The following ZFAND5 variants were observed in gnomAD, a reference collection of about 807,000 sequenced individuals.
The protein encoded by ZFAND5 is zinc finger AN1-type containing 5.
A neutral mutation model predicts 23.6 loss-of-function variants in ZFAND5; 4 were observed. That is an observed-to-expected ratio of 0.17 (90% CI 0.08 to 0.39). The LOEUF is 0.39. ZFAND5 is among the 10% of genes least tolerant of loss of function. The pLI is 1.00. For synonymous variants in ZFAND5, 68 were observed against 80.6 expected (o/e 0.84, Z 0.84); for missense variants, 161 against 253.7 (o/e 0.63, Z 2.48).
rs1461355558 is a variant in ZFAND5 at position 72,357,160 on chromosome 9, G to GT, written c.368-105dup. The GT allele has an allele frequency of 4.4e-6, 6 of 1,348,786 alleles. No individual in the cohort carries two copies. In the East Asian group the frequency reaches 1.5e-4, roughly 33 times the overall value. 83.6% of individuals were successfully genotyped at this position (1,348,786 alleles called of 1,614,324 possible). On this transcript the variant is annotated intron_variant, in intron 5 of 6. Transcript: ENST00000376962. Reference sequence around the variant, plus strand: ...AAACAGGAAGATGCCTGATAAAAATGTTTATAAGTATTCCTTGAAAATACA... The same window carrying GT: ...AAACAGGAAGATGCCTGATAAAAATGTTTTATAAGTATTCCTTGAAAATACA...
rs957963898 is a variant in ZFAND5 at position 72,355,288 on chromosome 9, A to C, written c.*665T>G. 1.2e-4 allele frequency: 18 copies of C among 152,684 alleles called. No individual in the cohort carries two copies. Among genetic ancestry groups the C allele is most frequent in the African/African-American group, 4.3e-4 (18 of 41,464 alleles). 9.5% of individuals were successfully genotyped at this position (152,684 alleles called of 1,614,324 possible). On this transcript the variant is annotated 3_prime_UTR_variant, in exon 7 of 7. Coordinates refer to ENST00000376962, the MANE Select transcript of ZFAND5 (RefSeq NM_001102420.3). Reference sequence around the variant, plus strand: ...GGTGCAGGCCAGTACAATAAGCTTCAAAGGTTATCTCAAGACCCTGTTGTT... The same window carrying C: ...GGTGCAGGCCAGTACAATAAGCTTCCAAGGTTATCTCAAGACCCTGTTGTT...
At chr9:72,356,184 C>A in intron 6 of ZFAND5, 83 bp from the exon 7 acceptor site, 1 of 1,509,448 alleles carries the variant, frequency 6.6e-7, no homozygotes, top group Non-Finnish European at 8.9e-7. Context: ...AGAAAAGGAA[C>A]CAGATTTTCA....
chr9:72,357,217 A>G (rs984987642), intron 5 of ZFAND5, among the ~76,000 whole-genome samples, 161 bp from the exon 6 acceptor site: 1 of 152,176 alleles, frequency 6.6e-6, no homozygotes, highest in African/African-American at 2.4e-5. Flanking sequence ...TTTTAACATC[A>G]GAACTTGATT....
chr9:72,358,217 C>T (rs977164770), intron 5 of ZFAND5, among the ~76,000 whole-genome samples: 5 of 151,982 alleles, frequency 3.3e-5, no homozygotes, highest in African/African-American at 7.2e-5. Context: ...TTAGACTAAA[C>T]GAACAATATT....
rs139888444 is a variant in ZFAND5, at chr9:72,356,762, C to G, written c.493+169G>C. ...GATTAGGAGACAAATGGAAGTAAAA[C>G]CCAACTTCTTTCCACCCCAATACCA... On this transcript the variant is annotated intron_variant, in intron 6 of 6. Transcript: ENST00000376962. Among the ~76,000 whole-genome samples, 74 of 151,298 alleles carry G rather than the reference C, an allele frequency of 4.9e-4. No individual in the cohort carries two copies. The East Asian group carries it at 9.1e-3, about 19-fold the overall frequency.
chr9:72,364,667 G>T, intron 1 of ZFAND5, 29 bp downstream of exon 1: 3 of 1,125,156 alleles, frequency 2.7e-6, no homozygotes, highest in Non-Finnish European at 3.3e-6. Context: ...AAGGAGCCCG[G>T]CTCCCACCCG....
rs369511071 is a variant in ZFAND5 at position 72,364,853 on chromosome 9, C to T, written c.-304G>A. On this transcript the variant is annotated 5_prime_UTR_variant, in exon 1 of 7. Transcript: ENST00000376962. ...CAGGCGGAGGTGGCGCCGCCGCCGCCGCGGGGTCTTCCTTTGTTCCTGCAG... is the reference window on the plus strand; with the variant it reads ...CAGGCGGAGGTGGCGCCGCCGCCGCTGCGGGGTCTTCCTTTGTTCCTGCAG... 66 of 156,258 alleles carry T rather than the reference C, an allele frequency of 4.2e-4. No homozygotes were observed. In the East Asian group the frequency reaches 0.012, roughly 27 times the overall value. 9.7% of individuals were successfully genotyped at this position (156,258 alleles called of 1,614,324 possible).
intron 6 of ZFAND5, 132 bp from the exon 7 acceptor site, chr9:72,356,233 C>A (rs1841938394): frequency 1.2e-5 from 13 of 1,116,156 alleles, no homozygotes; most frequent in Non-Finnish European, 1.5e-5. Flanking sequence ...TCTTTTCTTC[C>A]ACTTCCTGGT....
chr9:72,359,402 T>G lies in ZFAND5; in HGVS notation c.367+16A>C, dbSNP rs770386501. 3 of 1,610,118 alleles carry G rather than the reference T, an allele frequency of 1.9e-6. No homozygotes were observed. The highest frequency in any genetic ancestry group is 2.5e-6 in the Non-Finnish European group (3 of 1,178,468). On this transcript the variant is annotated intron_variant, in intron 5 of 6. Coordinates refer to ENST00000376962, the MANE Select transcript of ZFAND5 (RefSeq NM_001102420.3). ...ATCAAATTCAGAACTGAACAAGTATTAAATGAAAAACATACCTGGCTCTGA... is the reference window on the plus strand; with the variant it reads ...ATCAAATTCAGAACTGAACAAGTATGAAATGAAAAACATACCTGGCTCTGA...
In ZFAND5 at chr9:72,353,822, T is replaced by G. The variant is rs1013451431; in HGVS notation, c.*2131A>C. 3.3e-5 allele frequency: 5 copies of G among 152,230 alleles called. No homozygotes were observed. Among genetic ancestry groups the G allele is most frequent in the Non-Finnish European group, 5.9e-5 (4 of 68,048 alleles). The allele number at this position is 152,230 out of a possible 1,614,324, so 9.4% of individuals were successfully genotyped here. ...TCAACTCAATTGTGACTTTTCATAT[T>G]CAGAGAAATACTACCCTATGTCAGT... On this transcript the variant is annotated 3_prime_UTR_variant, in exon 7 of 7. Transcript: ENST00000376962.
At position 72,363,494 on chromosome 9, in the gene ZFAND5, G is replaced by T; in HGVS notation, c.-34C>A. The stretch of plus-strand genomic sequence containing the variant: ...CCTGGGAATGGAGACCTGAGTTCAA[G>T]TCTCTAGTCTGCCACTAAGTCAGTG... On this transcript the variant is annotated 5_prime_UTR_variant, in exon 2 of 7. Transcript: ENST00000376962. 1 of 340,938 alleles carries T rather than the reference G, an allele frequency of 2.9e-6. No individual in the cohort carries two copies. Among genetic ancestry groups the T allele is most frequent in the Non-Finnish European group, 4.2e-6 (1 of 240,606 alleles). 21.1% of individuals were successfully genotyped at this position (340,938 alleles called of 1,614,324 possible). A position where few individuals can be genotyped will look rare whatever the true frequency, so the allele number is the denominator to read the frequency against.
chr9:72,357,117 A>C, intron 5 of ZFAND5, 61 bp from the exon 6 acceptor site: 1 of 1,582,704 alleles, frequency 6.3e-7, no homozygotes, highest in Non-Finnish European at 8.6e-7. Flanking sequence ...TTAAGTCAAA[A>C]AAGGAAGTAT....
At chr9:72,360,840 A>T in intron 2 of ZFAND5, 53 bp from the exon 3 acceptor site, 1 of 1,514,856 alleles carries the variant, frequency 6.6e-7, no homozygotes, top group Non-Finnish European at 8.9e-7. Context: ...AATATAGTCT[A>T]ATATAATCAT....
At chr9:72,360,007 G>A (rs17554656) in intron 4 of ZFAND5, 103 bp downstream of exon 4, 52,104 of 938,486 alleles carry the variant, frequency 0.056, 1,695 homozygotes, top group Middle Eastern at 0.099. Context: ...TGAAATCCTC[G>A]ATTGCAAAGC....
In ZFAND5 at chr9:72,360,696, C is replaced by T; in HGVS notation, c.83G>A (p.Gly28Glu). ...TTCTTTGTAGCAAACTGAACACATT[C>T]CATTTGTCCTAGGATTTCCATAAAA... ...CGFYGNPRTN[G>E]MCSVCYKEHL... Residue 28 changes from glycine to glutamate, a missense_variant, in exon 3 of 7, where the codon GGA (glycine) becomes GAA (glutamate). By Grantham distance (98) the Gly-to-Glu change is moderately conservative (BLOSUM62 -2). This residue lies in a region of ZFAND5 where 21 missense variants were observed against 58.5 expected (regional missense o/e 0.36). Transcript: ENST00000376962. The T allele has an allele frequency of 1.9e-6, 3 of 1,614,084 alleles. No homozygotes were observed. The highest frequency in any genetic ancestry group is 2.5e-6 in the Non-Finnish European group (3 of 1,179,954).
At chr9:72,359,797 GC>G (rs1462626514) in intron 4 of ZFAND5, among the ~76,000 whole-genome samples, 1 of 152,134 alleles carries the variant, frequency 6.6e-6, no homozygotes, top group Non-Finnish European at 1.5e-5. Flanking sequence ...TTGTTTAAGG[GC>G]AAAAGGGCAG....
chr9:72,354,499 AT>A lies in ZFAND5; in HGVS notation c.*1453del, dbSNP rs1199415462. ...GCTTTTATTATTTACATAATACAAT[AT>A]AGCATCAATGCTGAATAGCATGATT... On this transcript the variant is annotated 3_prime_UTR_variant, in exon 7 of 7. Transcript: ENST00000376962. 2.0e-5 allele frequency: 3 copies of A among 152,686 alleles called. No homozygotes were observed. Among genetic ancestry groups the A allele is most frequent in the African/African-American group, 7.2e-5 (3 of 41,476 alleles). The allele number at this position is 152,686 out of a possible 1,614,324, so 9.5% of individuals were successfully genotyped here.
rs778862296 is a variant in ZFAND5 at position 72,356,983 on chromosome 9, G to T, written c.441C>A (p.Pro147=). 3.1e-6 allele frequency: 5 copies of T among 1,613,412 alleles called. No individual in the cohort carries two copies. The highest frequency in any genetic ancestry group is 4.2e-6 in the Non-Finnish European group (5 of 1,179,774). Residue 147 remains proline, a synonymous_variant, in exon 6 of 7, where the codon CCC becomes CCA. Coordinates refer to ENST00000376962, the MANE Select transcript of ZFAND5 (RefSeq NM_001102420.3). ...SQSEEKAPEL[P]KPKKNRCFMC... Reference sequence around the variant, plus strand: ...TGAAACATCTGTTTTTCTTTGGTTTGGGCAATTCAGGAGCTTTTTCTTCAC... The same window carrying T: ...TGAAACATCTGTTTTTCTTTGGTTTTGGCAATTCAGGAGCTTTTTCTTCAC...
At chr9:72,360,924 A>G (rs1842077375) in intron 2 of ZFAND5, 137 bp from the exon 3 acceptor site, 1 of 745,330 alleles carries the variant, frequency 1.3e-6, no homozygotes, top group African/African-American at 1.8e-5. Flanking sequence ...AAGGGTGGGC[A>G]GAGATAATTA....
Sources: allele counts gnomAD v4.1 joint callset (sites outside exome capture counted in the v4.1 genomes callset), GRCh38; gene constraint gnomAD v4.1.1; regional missense constraint gnomAD v4.1.1; transcripts MANE v1.5; gene names NCBI Gene and HGNC (gene_info 2026-07-23, HGNC 2026-07-21).